EARS2: variants seen among roughly 807,000 people sequenced by gnomAD.
EARS2 encodes the protein nondiscriminating glutamyl-tRNA synthetase EARS2, mitochondrial.
In EARS2, 50 loss-of-function variants were observed where a neutral mutation model predicts 54.1. That is an observed-to-expected ratio of 0.92 (90% CI 0.74 to 1.17). The LOEUF (loss-of-function observed/expected upper bound fraction) is 1.17. Ranked by LOEUF, EARS2 falls within the 50% of genes most tolerant of loss-of-function variation. EARS2 has a pLI of 0.00. For missense variants in EARS2, 673 were observed against 675.0 expected, an observed-to-expected ratio of 1.00 and a Z score of 0.03; for synonymous variants, 298 against 281.0, an observed-to-expected ratio of 1.06 and a Z score of -0.61.
At chr16:23,544,047 C>T (rs951548821) in intron 3 of EARS2, among the ~76,000 whole-genome samples, 2 of 152,140 alleles carry the variant, frequency 1.3e-5, no homozygotes, top group South Asian at 2.1e-4. Context: ...TGGTCCCAAG[C>T]GTTCCAGAGA....
At chr16:23,546,507 AAAGTACTCATC>A in intron 2 of EARS2, 1 of 452,308 alleles carries the variant, frequency 2.2e-6, no homozygotes, top group South Asian at 1.6e-5. Context: ...TGATCTAAGT[AAAGTACTCATC>A]AAGTGGCCTG....
Position 23,521,849 on chromosome 16 carries a change from C to T in EARS2, c.*2522G>A, listed in dbSNP as rs1003975561. ...ATTCTTAATGTCTTAGAAACAGATGCTCTGACAACACTCAGTAGATCAGAG... is the reference window on the plus strand; with the variant it reads ...ATTCTTAATGTCTTAGAAACAGATGTTCTGACAACACTCAGTAGATCAGAG... On this transcript the variant is annotated 3_prime_UTR_variant, in exon 9 of 9. Transcript: ENST00000449606. The T allele has an allele frequency of 2.2e-6, 1 of 455,882 alleles. No individual in the cohort carries two copies. Among genetic ancestry groups the T allele is most frequent in the Non-Finnish European group, 4.4e-6 (1 of 226,798 alleles). 28.2% of individuals were successfully genotyped at this position (455,882 alleles called of 1,614,324 possible).
At chr16:23,552,040 T>C in intron 2 of EARS2, 109 bp downstream of exon 2, 1 of 1,402,802 alleles carries the variant, frequency 7.1e-7, no homozygotes, top group South Asian at 1.3e-5. Flanking sequence ...TAGCCACTTC[T>C]CCAGGAACTC....
intron 3 of EARS2, among the ~76,000 whole-genome samples, chr16:23,539,873 G>A (rs1965484294): frequency 6.6e-6 from 1 of 152,086 alleles, no homozygotes; most frequent in African/African-American, 2.4e-5. Flanking sequence ...GTGCCAGCCG[G>A]GCATGATGGC....
rs12927261 is a variant in EARS2, at chr16:23,544,814, A to C, written c.296-111T>G. 5.1e-5 allele frequency: 54 copies of C among 1,048,634 alleles called. 1 individual carries two copies. The South Asian group carries it at 7.9e-4, about 15-fold the overall frequency. 65.0% of individuals were successfully genotyped at this position (1,048,634 alleles called of 1,614,324 possible). A position where few individuals can be genotyped will look rare whatever the true frequency, so the allele number is the denominator to read the frequency against. On this transcript the variant is annotated intron_variant, in intron 2 of 8. Coordinates refer to ENST00000449606, the MANE Select transcript of EARS2 (RefSeq NM_001083614.2). Reference sequence around the variant, plus strand: ...GCTTTAATCCTCATAACAATCCATGAGGTTGGCATTAGTACAATGTCCTCC... The same window carrying C: ...GCTTTAATCCTCATAACAATCCATGCGGTTGGCATTAGTACAATGTCCTCC...
At position 23,535,008 on chromosome 16, in the gene EARS2, T is replaced by C; in HGVS notation, c.838A>G (p.Arg280Gly). ...CTCTTGGAGAGCTTGCTGCCATCCCTGTTGAGGAGCAGGGGCAGGTGGGCG... is the reference window on the plus strand; with the variant it reads ...CTCTTGGAGAGCTTGCTGCCATCCCCGTTGAGGAGCAGGGGCAGGTGGGCG... The part of the protein sequence containing the change: ...HFAHLPLLLN[R>G]DGSKLSKRQG... The change falls in exon 4 of 9, where the codon AGG becomes GGG. Residue 280 changes from arginine to glycine, a missense_variant. Transcript: ENST00000449606. 1.2e-6 allele frequency: 2 copies of C among 1,612,694 alleles called. No homozygotes were observed. Among genetic ancestry groups the C allele is most frequent in the Non-Finnish European group, 1.7e-6 (2 of 1,179,538 alleles).
chr16:23,522,519 T>A lies in EARS2; in HGVS notation c.*1852A>T, dbSNP rs1437117956. 2.0e-5 allele frequency: 3 copies of A among 152,118 alleles called. No homozygotes were observed. Among genetic ancestry groups the A allele is most frequent in the Non-Finnish European group, 4.4e-5 (3 of 68,072 alleles). 9.4% of individuals were successfully genotyped at this position (152,118 alleles called of 1,614,324 possible). On this transcript the variant is annotated 3_prime_UTR_variant, in exon 9 of 9. Coordinates refer to ENST00000449606, the MANE Select transcript of EARS2 (RefSeq NM_001083614.2). ...GCTGTGGCTCTCTTATGGCCTCCAA[T>A]AAACATAAGTGAGGCAGAGTTGGTT...
At chr16:23,556,861 T>G in intron 1 of EARS2, 1 of 552,788 alleles carries the variant, frequency 1.8e-6, no homozygotes, top group Non-Finnish European at 3.4e-6. Flanking sequence ...GCCACTAGAA[T>G]GCAGACTTCC....
At chr16:23,536,345 C>T (rs1965417533) in intron 3 of EARS2, among the ~76,000 whole-genome samples, 1 of 152,192 alleles carries the variant, frequency 6.6e-6, no homozygotes, top group South Asian at 2.1e-4. Context: ...TTGCTCACGT[C>T]TGTAATCCCA....
At chr16:23,538,682 T>G (rs182207239) in intron 3 of EARS2, among the ~76,000 whole-genome samples, 194 of 152,090 alleles carry the variant, frequency 1.3e-3, no homozygotes, top group African/African-American at 4.5e-3. Context: ...CGAGACCTTG[T>G]CTCTACTAGA....
chr16:23,527,232 C>T (rs1039379820), intron 7 of EARS2, among the ~76,000 whole-genome samples: 16 of 152,172 alleles, frequency 1.1e-4, no homozygotes, highest in Admixed American at 5.9e-4. Context: ...TCCCAGAATA[C>T]TGGGATTACA....
intron 2 of EARS2, 112 bp downstream of exon 2, chr16:23,552,037 T>G: frequency 7.2e-7 from 1 of 1,380,874 alleles, no homozygotes; most frequent in African/African-American, 1.4e-5. Flanking sequence ...ATGTAGCCAC[T>G]TCTCCAGGAA....
chr16:23,525,438 G>A, intron 7 of EARS2, 59 bp from the exon 8 acceptor site: 1 of 1,554,982 alleles, frequency 6.4e-7, no homozygotes, highest in Non-Finnish European at 8.7e-7. Flanking sequence ...TGGGTGGGAG[G>A]AAGGGCTTCA....
chr16:23,524,402 C>T lies in EARS2; in HGVS notation c.1541G>A (p.Arg514Gln), dbSNP rs558487697. 8.1e-6 allele frequency: 13 copies of T among 1,614,172 alleles called. No individual in the cohort carries two copies. The highest frequency in any genetic ancestry group is 2.2e-5 in the East Asian group (1 of 44,880). ...MMLALGPKEV[R>Q]ERIQKVVSS Reference sequence around the variant, plus strand: ...GGAAACCACCTTCTGGATCCGTTCCCGTACTTCCTTTGGTCCCAAGGCCAA... The same window carrying T: ...GGAAACCACCTTCTGGATCCGTTCCTGTACTTCCTTTGGTCCCAAGGCCAA... The change falls in exon 9 of 9, where the codon CGG becomes CAG. Residue 514 changes from arginine (R) to glutamine (Q), a missense_variant. This residue lies in a region of EARS2 where 338 missense variants were observed against 361.2 expected (regional missense o/e 0.94). Transcript: ENST00000449606.
At chr16:23,529,999 G>T in intron 5 of EARS2, 102 bp from the exon 6 acceptor site, 1 of 1,429,554 alleles carries the variant, frequency 7.0e-7, no homozygotes, top group Non-Finnish European at 9.5e-7. Flanking sequence ...GACATATCAG[G>T]TCCCATGAGC....
rs1171066571 is a variant in EARS2 at position 23,523,613 on chromosome 16, TG to T, written c.*757del. 6 of 152,262 alleles carry T rather than the reference TG, an allele frequency of 3.9e-5. No homozygotes were observed. Among genetic ancestry groups the T allele is most frequent in the Non-Finnish European group, 4.4e-5 (3 of 68,098 alleles). The allele number at this position is 152,262 out of a possible 1,614,324, so 9.4% of individuals were successfully genotyped here. ...CGTATCCTTTGCTGCTCTGAGTCCT[TG>T]GGGCCTGAGAACTGGGACCCATGAG... On this transcript the variant is annotated 3_prime_UTR_variant, in exon 9 of 9. Coordinates refer to ENST00000449606, the MANE Select transcript of EARS2 (RefSeq NM_001083614.2).
At chr16:23,527,641 C>T (rs1160043406) in intron 7 of EARS2, among the ~76,000 whole-genome samples, 2 of 151,502 alleles carry the variant, frequency 1.3e-5, no homozygotes, top group Non-Finnish European at 2.9e-5. Context: ...GCAAGCTCCG[C>T]CTCCCGGATT....
At chr16:23,544,785 T>A in intron 2 of EARS2, 82 bp from the exon 3 acceptor site, 1 of 1,249,502 alleles carries the variant, frequency 8.0e-7, no homozygotes, top group Non-Finnish European at 1.1e-6. Context: ...ATGCACATAT[T>A]AAAGCTTTAA....
intron 5 of EARS2, 62 bp downstream of exon 5, chr16:23,532,595 T>C: frequency 1.6e-6 from 2 of 1,252,462 alleles, no homozygotes; most frequent in Non-Finnish European, 2.3e-6. Flanking sequence ...CCCTCTGCTG[T>C]AGGGATCATC....
Sources: allele counts gnomAD v4.1 joint callset (sites outside exome capture counted in the v4.1 genomes callset), GRCh38; gene constraint gnomAD v4.1.1; regional missense constraint gnomAD v4.1.1; transcripts MANE v1.5; gene names NCBI Gene and HGNC (gene_info 2026-07-23, HGNC 2026-07-21).